The following RAF1 variants were observed in gnomAD, a reference collection of about 807,000 sequenced individuals.
RAF1 encodes the protein RAF proto-oncogene serine/threonine-protein kinase.
Under a neutral mutation model 81.1 loss-of-function variants are expected in RAF1, and 27 were observed. The observed-to-expected ratio is 0.33, with a 90% CI of 0.25 to 0.46. The LOEUF (loss-of-function observed/expected upper bound fraction) is 0.46, where lower values mean the gene tolerates loss of function less well. Among genes scored for constraint, RAF1 ranks in the 20% least tolerant of loss-of-function variants. The pLI, the probability that RAF1 is intolerant of heterozygous loss-of-function variation, is 1.00. For missense variants in RAF1, 598 were observed against 826.0 expected (o/e 0.72, Z 3.38); for synonymous variants, 298 against 294.0 (o/e 1.01, Z -0.14).
chr3:12,621,981 T>C lies in RAF1; in HGVS notation c.-26-3234A>G, dbSNP rs181096231. Among the ~76,000 whole-genome samples, 60 of 152,344 alleles carry C rather than the reference T, an allele frequency of 3.9e-4. 1 individual carries two copies. Among genetic ancestry groups the C allele is most frequent in the African/African-American group, 8.2e-4 (34 of 41,596 alleles). ...TTTTCTACATTACTTACTTTTTGTT[T>C]TTATATTTTACTATTACACTATAAA... On this transcript the variant is annotated intron_variant, in intron 1 of 17. Coordinates refer to ENST00000442415, the MANE Select transcript of RAF1 (RefSeq NM_001354689.3).
intron 1 of RAF1, among the ~76,000 whole-genome samples, chr3:12,627,666 C>T (rs1265949974): frequency 2.0e-5 from 3 of 152,126 alleles, no homozygotes; most frequent in Non-Finnish European, 2.9e-5. Context: ...AAAAAATTGC[C>T]TTTTATTAGC....
At chr3:12,600,078 TA>T in intron 10 of RAF1, 73 bp downstream of exon 9, 2 of 1,587,320 alleles carry the variant, frequency 1.3e-6, no homozygotes, top group South Asian at 2.2e-5. Context: ...AAAATAAGTT[TA>T]AGTATTCTAA....
At chr3:12,655,161 C>A (rs1416170898) in intron 1 of RAF1, among the ~76,000 whole-genome samples, 1 of 152,244 alleles carries the variant, frequency 6.6e-6, no homozygotes, top group Non-Finnish European at 1.5e-5. Flanking sequence ...CAGCTCACTG[C>A]AACCTCTGCC....
At chr3:12,602,805 T>C (rs2058902784) in intron 8 of RAF1, among the ~76,000 whole-genome samples, 1 of 152,176 alleles carries the variant, frequency 6.6e-6, no homozygotes, top group Non-Finnish European at 1.5e-5. Flanking sequence ...TGAAAGTGAT[T>C]TGAGGTCTGA....
At chr3:12,655,103 A>T (rs925369420) in intron 1 of RAF1, among the ~76,000 whole-genome samples, 1 of 151,412 alleles carries the variant, frequency 6.6e-6, no homozygotes. Context: ...TTATTTATTT[A>T]TTTTTTGAGA....
At chr3:12,657,583 C>T (rs915733692) in intron 1 of RAF1, among the ~76,000 whole-genome samples, 2 of 152,070 alleles carry the variant, frequency 1.3e-5, no homozygotes, top group Admixed American at 1.3e-4. Flanking sequence ...ACCAGTCTCA[C>T]TATCATGGAG....
At chr3:12,624,691 GATCA>G (rs2059646599) in intron 1 of RAF1, among the ~76,000 whole-genome samples, 1 of 152,048 alleles carries the variant, frequency 6.6e-6, no homozygotes, top group African/African-American at 2.4e-5. Context: ...TGTTGGAAAA[GATCA>G]ATCATTTAAA....
chr3:12,627,717 T>G (rs1437457361), intron 1 of RAF1, among the ~76,000 whole-genome samples: 1 of 144,194 alleles, frequency 6.9e-6, no homozygotes, highest in Non-Finnish European at 1.5e-5. Flanking sequence ...AGGATATATT[T>G]GCTTTAAAAT....
At chr3:12,641,184 TG>T (rs2060173317) in intron 1 of RAF1, among the ~76,000 whole-genome samples, 1 of 109,158 alleles carries the variant, frequency 9.2e-6, no homozygotes, top group African/African-American at 3.6e-5. Flanking sequence ...GGACACAGGG[TG>T]GGGAACATCA....
chr3:12,658,846 T>C (rs1476067884), intron 1 of RAF1, among the ~76,000 whole-genome samples: 1 of 152,188 alleles, frequency 6.6e-6, no homozygotes, highest in Non-Finnish European at 1.5e-5. Context: ...TTAACATACT[T>C]TGTGAGTAAT....
intron 11 of RAF1, among the ~76,000 whole-genome samples, chr3:12,596,729 G>C (rs190425436): frequency 4.5e-4 from 69 of 152,230 alleles, no homozygotes; most frequent in African/African-American, 1.6e-3. Context: ...ACAGGAACCA[G>C]AATATGGCGG....
chr3:12,647,494 G>A (rs1432645793), intron 1 of RAF1, among the ~76,000 whole-genome samples: 1 of 151,742 alleles, frequency 6.6e-6, no homozygotes, highest in Non-Finnish European at 1.5e-5. Context: ...TCAAGAGGCT[G>A]AAGTGGGAGG....
chr3:12,608,480 T>G (rs950584813), intron 5 of RAF1: 2 of 441,602 alleles, frequency 4.5e-6, no homozygotes, highest in African/African-American at 4.0e-5. Flanking sequence ...AAAATCTTCT[T>G]GTTTTCATAT....
intron 2 of RAF1, 82 bp from the exon 3 acceptor site, chr3:12,612,144 T>G: frequency 1.9e-6 from 2 of 1,077,080 alleles, no homozygotes; most frequent in Non-Finnish European, 2.9e-6. Flanking sequence ...AATGCACCAG[T>G]CTGTATTGCT....
chr3:12,641,547 A>G (rs1317547623), intron 1 of RAF1, among the ~76,000 whole-genome samples: 2 of 138,660 alleles, frequency 1.4e-5, no homozygotes, highest in Non-Finnish European at 3.0e-5. Flanking sequence ...GCTAAAGTGT[A>G]GTGCCGCGAT....
At chr3:12,632,689 C>T (rs987623463) in intron 1 of RAF1, among the ~76,000 whole-genome samples, 1 of 152,192 alleles carries the variant, frequency 6.6e-6, no homozygotes, top group Admixed American at 6.6e-5. Flanking sequence ...CTCTCTGAAA[C>T]TCTTCTGAAA....
At chr3:12,634,599 G>C (rs575973974) in intron 1 of RAF1, among the ~76,000 whole-genome samples, 1 of 152,084 alleles carries the variant, frequency 6.6e-6, no homozygotes, top group African/African-American at 2.4e-5. Context: ...ACTGTGCACC[G>C]GATACAAGAA....
At chr3:12,625,958 A>G (rs961791908) in intron 1 of RAF1, among the ~76,000 whole-genome samples, 4 of 152,072 alleles carry the variant, frequency 2.6e-5, no homozygotes, top group Non-Finnish European at 4.4e-5. Flanking sequence ...ACTGCAGGAA[A>G]TAGATAAGCA....
intron 2 of RAF1, among the ~76,000 whole-genome samples, chr3:12,612,757 G>A (rs2059255613): frequency 6.6e-6 from 1 of 152,000 alleles, no homozygotes; most frequent in African/African-American, 2.4e-5. Context: ...GTTAGAAAGT[G>A]GTTAAGAAAG....
Sources: gnomAD v4.1 joint callset for allele counts (sites outside exome capture counted in the v4.1 genomes callset) on GRCh38, gnomAD v4.1.1 for gene constraint, MANE v1.5 for transcripts, NCBI Gene and HGNC (gene_info 2026-07-23, HGNC 2026-07-21) for gene names.